The following PHKG1 variants were observed in gnomAD, a reference collection of about 807,000 sequenced individuals.
PHKG1 encodes the protein phosphorylase kinase catalytic subunit gamma 1.
Under a neutral mutation model 50.5 loss-of-function variants are expected in PHKG1, and 48 were observed. The ratio of observed to expected loss-of-function variants is 0.95; its 90% CI spans 0.75 to 1.21. The LOEUF is 1.21. PHKG1 is among the 50% of genes most tolerant of loss of function. The pLI, the probability that PHKG1 is intolerant of heterozygous loss-of-function variation, is 0.00. For synonymous variants in PHKG1, 204 were observed against 212.8 expected, an observed-to-expected ratio of 0.96 and a Z score of 0.36; for missense variants, 487 against 519.5, an observed-to-expected ratio of 0.94 and a Z score of 0.61.
At chr7:56,088,758 T>C (rs1796374692) in intron 2 of PHKG1, 101 bp downstream of exon 2, 3 of 734,756 alleles carry the variant, frequency 4.1e-6, no homozygotes, top group Non-Finnish European at 7.1e-6. Flanking sequence ...ACTTTGGGGA[T>C]GAAAGTGGCG....
In PHKG1 at chr7:56,081,620, C is replaced by T. The variant is rs772166528; in HGVS notation, c.918+10G>A. ...GGGAGCTGGCGGGCCTGGATCAGGA[C>T]GCTTAGTACCTTGAACTTCCCCCGG... On this transcript the variant is annotated intron_variant, in intron 9 of 9. Transcript: ENST00000297373. This position sits in a 1 kb window ranked among gnomAD's most constrained non-coding sequence, Gnocchi z 4.6. 24 of 1,613,010 alleles carry T rather than the reference C, an allele frequency of 1.5e-5. No homozygotes were observed. The highest frequency in any genetic ancestry group is 1.2e-4 in the African/African-American group (9 of 74,884).
chr7:56,081,635 A>G lies in PHKG1; in HGVS notation c.913T>C (p.Phe305Leu). 6.2e-7 allele frequency: 1 copy of G among 1,613,466 alleles called. No individual in the cohort carries two copies. The highest frequency in any genetic ancestry group is 1.1e-5 in the South Asian group (1 of 91,064). The change falls in exon 9 of 10, where the codon TTC becomes CTC. Residue 305 changes from phenylalanine (F) to leucine (L), a missense_variant. Physicochemically the swap from Phe to Leu is conservative, Grantham distance 22 (BLOSUM62 0). Transcript: ENST00000297373. This position sits in a 1 kb window ranked among gnomAD's most constrained non-coding sequence, Gnocchi z 4.6. Reference sequence around the variant, plus strand: ...TGGATCAGGACGCTTAGTACCTTGAACTTCCCCCGGGGGCTGAAGTGCCGC... The same window carrying G: ...TGGATCAGGACGCTTAGTACCTTGAGCTTCCCCCGGGGGCTGAAGTGCCGC... ...EVRHFSPRGK[F>L]KVIALTVLAS...
At chr7:56,090,303 A>G (rs1481446061) in intron 1 of PHKG1, among the ~76,000 whole-genome samples, 1 of 152,036 alleles carries the variant, frequency 6.6e-6, no homozygotes, top group Non-Finnish European at 1.5e-5. Context: ...TTTAGTAGAG[A>G]TGGAGTTTCA....
chr7:56,081,755 C>A lies in PHKG1; in HGVS notation c.793G>T (p.Val265Phe). The change falls in exon 9 of 10, where the codon GTC (valine) becomes TTC (phenylalanine). Residue 265 changes from valine (V) to phenylalanine (F), a missense_variant and splice_region_variant. Val to Phe is a conservative substitution (Grantham distance 50, BLOSUM62 -1). Coordinates refer to ENST00000297373, the MANE Select transcript of PHKG1 (RefSeq NM_006213.5). The surrounding 1 kb of genome is among the most constrained non-coding windows in gnomAD (Gnocchi z 4.6). ...GGTTGCACCACCAGGAATCGGGAGA[C>A]CTGTGAGAGGAGGAGAGGGGAACCG... ...DDYSDTVKDL[V>F]SRFLVVQPQN... 6.2e-7 allele frequency: 1 copy of A among 1,613,120 alleles called. No homozygotes were observed. The highest frequency in any genetic ancestry group is 8.5e-7 in the Non-Finnish European group (1 of 1,179,436).
chr7:56,086,126 A>G (rs1796239512), intron 4 of PHKG1, among the ~76,000 whole-genome samples: 1 of 151,534 alleles, frequency 6.6e-6, no homozygotes, highest in South Asian at 2.1e-4. Context: ...CTTCCTGGAC[A>G]TGCTTTCCTG....
At position 56,081,011 on chromosome 7, in the gene PHKG1, C is replaced by T. The variant is rs1418945898; in HGVS notation, c.*43G>A. ...CTTTGACTTGTATTTCCATGGCTTC[C>T]CCTCCCCACCTGCCCCCTAGCCCTC... On this transcript the variant is annotated 3_prime_UTR_variant, in exon 10 of 10. Coordinates refer to ENST00000297373, the MANE Select transcript of PHKG1 (RefSeq NM_006213.5). The surrounding 1 kb of genome is among the most constrained non-coding windows in gnomAD (Gnocchi z 4.6). The T allele has an allele frequency of 6.2e-7, 1 of 1,605,450 alleles. No homozygotes were observed. The highest frequency in any genetic ancestry group is 8.5e-7 in the Non-Finnish European group (1 of 1,176,524).
At chr7:56,083,491 A>G in intron 5 of PHKG1, 50 bp from the exon 6 acceptor site, 1 of 1,600,718 alleles carries the variant, frequency 6.2e-7, no homozygotes, top group South Asian at 1.1e-5. Context: ...GGGTCAGGTA[A>G]CAGGCAGGGA....
At chr7:56,092,168 G>A (rs1260764300) in intron 1 of PHKG1, among the ~76,000 whole-genome samples, 1 of 152,190 alleles carries the variant, frequency 6.6e-6, no homozygotes, top group East Asian at 1.9e-4. Context: ...TCTTGCCCCA[G>A]CCCCAGCTCT....
Position 56,080,983 on chromosome 7 carries a change from C to G in PHKG1, c.*71G>C, listed in dbSNP as rs1254446579. On this transcript the variant is annotated 3_prime_UTR_variant, in exon 10 of 10. Transcript: ENST00000297373. ...TCTGCAGAGGCCTGCACGCATCTCA[C>G]CCCTTTGACTTGTATTTCCATGGCT... 1 of 1,569,860 alleles carries G rather than the reference C, an allele frequency of 6.4e-7. No individual in the cohort carries two copies. The highest frequency in any genetic ancestry group is 8.7e-7 in the Non-Finnish European group (1 of 1,153,370).
At chr7:56,089,449 TCTGTACC>T (rs371411719) in intron 1 of PHKG1, among the ~76,000 whole-genome samples, 103,954 of 151,624 alleles carry the variant, frequency 0.69, 35,747 homozygotes, top group East Asian at 0.71. Context: ...GTTACCCATC[TCTGTACC>T]AGAGTGCAGT....
chr7:56,082,031 G>GT lies in PHKG1; in HGVS notation c.653_654insA (p.Ile219HisfsTer38), dbSNP rs770568626. 4.3e-6 allele frequency: 7 copies of GT among 1,613,392 alleles called. No homozygotes were observed. Among genetic ancestry groups the GT allele is most frequent in the Non-Finnish European group, 5.9e-6 (7 of 1,179,596 alleles). ...AGCCGGCCAGCAGCGTGTACATGAT[G>GT]ACGCCAGTGCTCCACCTGGACATGC... On this transcript the variant is annotated frameshift_variant, in exon 8 of 10. Transcript: ENST00000297373. LOFTEE classifies it high-confidence loss of function.
At chr7:56,083,560 A>T (rs1248230717) in intron 5 of PHKG1, 90 bp downstream of exon 5, 1 of 1,489,034 alleles carries the variant, frequency 6.7e-7, no homozygotes, top group South Asian at 1.2e-5. Flanking sequence ...CAGCCCAGAC[A>T]TGTGCACGCC....
In PHKG1 at chr7:56,087,737, G is replaced by C. The variant is rs1274489120; in HGVS notation, c.123C>G (p.Pro41=). The change falls in exon 3 of 10, where the codon CCC becomes CCG. Residue 41 remains proline, a synonymous_variant. Coordinates refer to ENST00000297373, the MANE Select transcript of PHKG1 (RefSeq NM_006213.5). ...CCTTCACGGCGTACTCCTGGCTCGT[G>C]GGCTTGTGGATGCATCGCCTGACCA... The part of the protein sequence containing the change: ...SSVVRRCIHK[P]TSQEYAVKVI... 1.2e-6 allele frequency: 2 copies of C among 1,613,312 alleles called. No homozygotes were observed. Among genetic ancestry groups the C allele is most frequent in the African/African-American group, 2.7e-5 (2 of 74,938 alleles).
rs774182485 is a variant in PHKG1 at position 56,081,650 on chromosome 7, T to C, written c.898A>G (p.Ser300Gly). 13 of 1,613,622 alleles carry C rather than the reference T, an allele frequency of 8.1e-6. No homozygotes were observed. In the South Asian group the frequency reaches 9.9e-5, roughly 12 times the overall value. The change falls in exon 9 of 10, where the codon AGC becomes GGC. Residue 300 changes from serine (S) to glycine (G), a missense_variant. Coordinates refer to ENST00000297373, the MANE Select transcript of PHKG1 (RefSeq NM_006213.5). This position sits in a 1 kb window ranked among gnomAD's most constrained non-coding sequence, Gnocchi z 4.6. ...QYLVEEVRHF[S>G]PRGKFKVIAL... ...AGTACCTTGAACTTCCCCCGGGGGC[T>C]GAAGTGCCGCACTTCCTCCACCAAG...
At chr7:56,091,026 A>G (rs1384061765) in intron 1 of PHKG1, among the ~76,000 whole-genome samples, 2 of 152,110 alleles carry the variant, frequency 1.3e-5, no homozygotes, top group African/African-American at 4.8e-5. Flanking sequence ...AGCCTGGGCT[A>G]CATGGCGAGA....
intron 3 of PHKG1, 135 bp from the exon 4 acceptor site, chr7:56,087,159 A>AG: frequency 1.3e-5 from 9 of 698,716 alleles, no homozygotes; most frequent in South Asian, 1.1e-4. Context: ...GGGTGCTCAA[A>AG]GACGTCAACC....
At chr7:56,087,410 C>A (rs1796302601) in intron 3 of PHKG1, among the ~76,000 whole-genome samples, 188 bp downstream of exon 3, 1 of 151,888 alleles carries the variant, frequency 6.6e-6, no homozygotes, top group African/African-American at 2.4e-5. Context: ...GACATCAAAC[C>A]CCCATTCCCC....
Position 56,081,559 on chromosome 7 carries a change from T to C in PHKG1, c.918+71A>G. 1.3e-6 allele frequency: 2 copies of C among 1,562,456 alleles called. No individual in the cohort carries two copies. The highest frequency in any genetic ancestry group is 2.1e-4 in the Middle Eastern group (1 of 4,820). On this transcript the variant is annotated intron_variant, in intron 9 of 9. Coordinates refer to ENST00000297373, the MANE Select transcript of PHKG1 (RefSeq NM_006213.5). This position sits in a 1 kb window ranked among gnomAD's most constrained non-coding sequence, Gnocchi z 4.6. ...CTGGAAATTCACGGGGTGTAAGGACTCCTGGGAGAGGAGGGGGCTTAGAGG... is the reference window on the plus strand; with the variant it reads ...CTGGAAATTCACGGGGTGTAAGGACCCCTGGGAGAGGAGGGGGCTTAGAGG...
Position 56,081,832 on chromosome 7 carries a change from C to CGGGCAGG in PHKG1, c.792+54_792+60dup. 6.2e-7 allele frequency: 1 copy of CGGGCAGG among 1,608,364 alleles called. No individual in the cohort carries two copies. The highest frequency in any genetic ancestry group is 1.1e-5 in the South Asian group (1 of 90,746). ...CATGTCAGGAAAGGCAGGGCCTCCC[C>CGGGCAGG]GGGCAGGGGCGCCTGGCATCGCAGC... On this transcript the variant is annotated intron_variant, in intron 8 of 9. Transcript: ENST00000297373. This position sits in a 1 kb window ranked among gnomAD's most constrained non-coding sequence, Gnocchi z 4.6.
Sources: gnomAD v4.1 joint callset for allele counts (sites outside exome capture counted in the v4.1 genomes callset) on GRCh38, gnomAD v4.1.1 for gene constraint, Gnocchi (gnomAD v3.1) non-coding constraint, MANE v1.5 for transcripts, NCBI Gene and HGNC (gene_info 2026-07-23, HGNC 2026-07-21) for gene names.